The following B3GLCT variants were observed in gnomAD, a reference collection of about 807,000 sequenced individuals.
B3GLCT encodes the protein beta 3-glucosyltransferase, also known as beta-1,3-glucosyltransferase.
B3GLCT carries 65 observed loss-of-function variants against 63.4 expected under a neutral mutation model. The observed-to-expected ratio is 1.03, with a 90% CI of 0.84 to 1.26. The LOEUF (loss-of-function observed/expected upper bound fraction) is 1.26, where lower values mean the gene tolerates loss of function less well. B3GLCT is among the 50% of genes most tolerant of loss of function. The probability of loss-of-function intolerance (pLI) is 0.00; values close to 1 mark genes in which losing one functional copy is unlikely to be tolerated. For synonymous variants in B3GLCT, 233 were observed against 219.2 expected, an observed-to-expected ratio of 1.06 and a Z score of -0.55; for missense variants, 577 against 604.8, an observed-to-expected ratio of 0.95 and a Z score of 0.48.
intron 2 of B3GLCT, among the ~76,000 whole-genome samples, chr13:31,216,230 G>A (rs953412108): frequency 3.3e-5 from 5 of 152,018 alleles, no homozygotes; most frequent in African/African-American, 7.2e-5. Context: ...AATTTCTTAC[G>A]ATTTTAGGAC....
intron 14 of B3GLCT, among the ~76,000 whole-genome samples, chr13:31,327,528 G>C (rs1205892545): frequency 6.6e-6 from 1 of 152,200 alleles, no homozygotes; most frequent in African/African-American, 2.4e-5. Flanking sequence ...GACTAAAATT[G>C]ACTGTGGGAC....
At chr13:31,320,725 C>T (rs1276435976) in intron 13 of B3GLCT, among the ~76,000 whole-genome samples, 1 of 152,192 alleles carries the variant, frequency 6.6e-6, no homozygotes, top group Non-Finnish European at 1.5e-5. Flanking sequence ...TTTCTAGCCT[C>T]ATCCATCTAC....
In B3GLCT at chr13:31,214,988, T is replaced by G. The variant is rs559450647; in HGVS notation, c.71-63T>G. 9 of 1,433,928 alleles carry G rather than the reference T, an allele frequency of 6.3e-6. No individual in the cohort carries two copies. In the African/African-American group the frequency reaches 1.1e-4, roughly 18 times the overall value. The allele number at this position is 1,433,928 out of a possible 1,614,324, so 88.8% of individuals were successfully genotyped here. A position where few individuals can be genotyped will look rare whatever the true frequency, so the allele number is the denominator to read the frequency against. ...TTTTATTATAAGCAAAACTGTTGGA[T>G]GTGAGAATTAACCTGAATTGCTAAT... On this transcript the variant is annotated intron_variant, in intron 1 of 14. Transcript: ENST00000343307.
chr13:31,235,213 G>A (rs958821322), intron 4 of B3GLCT, among the ~76,000 whole-genome samples: 3 of 152,162 alleles, frequency 2.0e-5, no homozygotes, highest in Admixed American at 2.0e-4. Context: ...TTGAGGACAG[G>A]TTCTCAGGTT....
chr13:31,221,206 G>A (rs1420561992), intron 2 of B3GLCT, among the ~76,000 whole-genome samples: 1 of 152,188 alleles, frequency 6.6e-6, no homozygotes, highest in Admixed American at 6.5e-5. Flanking sequence ...GCTGTTTTTA[G>A]ATCTAACAAT....
intron 11 of B3GLCT, 79 bp downstream of exon 11, chr13:31,284,840 G>A: frequency 1.1e-6 from 1 of 908,994 alleles, no homozygotes; most frequent in Non-Finnish European, 1.8e-6. Context: ...GGATAAAAAT[G>A]AAATGTTTTA....
rs1232402172 is a variant in B3GLCT at position 31,247,854 on chromosome 13, G to C, written c.348-1G>C. 6.6e-7 allele frequency: 1 copy of C among 1,513,306 alleles called. No homozygotes were observed. Among genetic ancestry groups the C allele is most frequent in the Non-Finnish European group, 9.2e-7 (1 of 1,089,496 alleles). 93.7% of individuals were successfully genotyped at this position (1,513,306 alleles called of 1,614,324 possible). Reference sequence around the variant, plus strand: ...TACTGAAACTTGTTTCTTTTGGTCAGTTTTTCTGTAACATATAGCAGAAAT... The same window carrying C: ...TACTGAAACTTGTTTCTTTTGGTCACTTTTTCTGTAACATATAGCAGAAAT... On this transcript the variant is annotated splice_acceptor_variant, in intron 5 of 14. Coordinates refer to ENST00000343307, the MANE Select transcript of B3GLCT (RefSeq NM_194318.4). LOFTEE classifies it high-confidence loss of function.
intron 7 of B3GLCT, among the ~76,000 whole-genome samples, chr13:31,266,583 A>C (rs577702558): frequency 6.6e-6 from 1 of 152,206 alleles, no homozygotes; most frequent in South Asian, 2.1e-4. Flanking sequence ...TAGAACTTGA[A>C]CTTGTTTGCA....
chr13:31,220,361 A>G (rs1262762029), intron 2 of B3GLCT, among the ~76,000 whole-genome samples: 2 of 152,248 alleles, frequency 1.3e-5, no homozygotes, highest in Non-Finnish European at 2.9e-5. Context: ...TGGCTAGCAT[A>G]GGAGCTTTCT....
intron 4 of B3GLCT, among the ~76,000 whole-genome samples, chr13:31,244,382 C>T (rs923937170): frequency 6.6e-6 from 1 of 152,084 alleles, no homozygotes; most frequent in Non-Finnish European, 1.5e-5. Flanking sequence ...ATCCCAGCTA[C>T]TCGGGAGGCT....
chr13:31,302,420 T>C (rs1350532141), intron 12 of B3GLCT, among the ~76,000 whole-genome samples: 1 of 147,738 alleles, frequency 6.8e-6, no homozygotes, highest in Non-Finnish European at 1.5e-5. Context: ...AGGTACCGGG[T>C]TCATCTCACT....
chr13:31,211,025 G>A (rs1429352294), intron 1 of B3GLCT, among the ~76,000 whole-genome samples: 1 of 152,062 alleles, frequency 6.6e-6, no homozygotes, highest in Non-Finnish European at 1.5e-5. Flanking sequence ...TTACAGGCAC[G>A]TGCCACCACG....
intron 3 of B3GLCT, 39 bp downstream of exon 3, chr13:31,223,030 GGTATATTTT>G: frequency 7.9e-7 from 1 of 1,261,712 alleles, no homozygotes; most frequent in Non-Finnish European, 1.2e-6. Context: ...TGTGTACTTA[GGTATATTTT>G]GTATGAATTA....
Position 31,199,999 on chromosome 13 carries a change from G to GTGC in B3GLCT, c.-86_-85insTGC. 1.2e-6 allele frequency: 1 copy of GTGC among 801,876 alleles called. No homozygotes were observed. Among genetic ancestry groups the GTGC allele is most frequent in the Admixed American group, 4.9e-5 (1 of 20,608 alleles). The allele number at this position is 801,876 out of a possible 1,614,324, so 49.7% of individuals were successfully genotyped here. ...CAGAGAAGGGTCAGCCGCGGCGGCA[G>GTGC]GGCGGCGGCGGCAGCGGCGCAGCTC... On this transcript the variant is annotated 5_prime_UTR_variant, in exon 1 of 15. Coordinates refer to ENST00000343307, the MANE Select transcript of B3GLCT (RefSeq NM_194318.4).
At chr13:31,211,786 C>T (rs925218650) in intron 1 of B3GLCT, among the ~76,000 whole-genome samples, 31 of 152,196 alleles carry the variant, frequency 2.0e-4, no homozygotes, top group African/African-American at 7.5e-4. Flanking sequence ...TAAACAGTTA[C>T]ATCATCAAAT....
chr13:31,233,529 T>G (rs1198170080), intron 4 of B3GLCT, among the ~76,000 whole-genome samples: 1 of 152,168 alleles, frequency 6.6e-6, no homozygotes, highest in African/African-American at 2.4e-5. Context: ...GTCCTGTTAC[T>G]TGGATGAAGT....
rs35142866 is a variant in B3GLCT, at chr13:31,218,187, CTT to C, written c.120+3105_120+3106del. 4.9e-4 allele frequency among the ~76,000 whole-genome samples: 59 copies of C among 119,836 alleles called. No individual in the cohort carries two copies. In the East Asian group the frequency reaches 0.013, roughly 26 times the overall value. 78.6% of individuals were successfully genotyped at this position (119,836 alleles called of 152,430 possible). The stretch of plus-strand genomic sequence containing the variant: ...AGGTGTTTTATTCTTTTTGTGGCTA[CTT>C]TTTTTTTTTTTTTTTTTGAGATGGA... On this transcript the variant is annotated intron_variant, in intron 2 of 14. Transcript: ENST00000343307.
Position 31,319,628 on chromosome 13 carries a change from A to G in B3GLCT, c.1184+1943A>G, listed in dbSNP as rs117207826. ...GTCTATCCCTTCAATGTCTTGTGTT[A>G]CTCAGGCATCTTTTCTAGTCCTCCT... On this transcript the variant is annotated intron_variant, in intron 13 of 14. Transcript: ENST00000343307. Among the ~76,000 whole-genome samples, 39 of 152,054 alleles carry G rather than the reference A, an allele frequency of 2.6e-4. No homozygotes were observed. The East Asian group carries it at 7.0e-3, about 27-fold the overall frequency.
chr13:31,300,157 T>C (rs1874151612), intron 12 of B3GLCT, among the ~76,000 whole-genome samples: 1 of 152,150 alleles, frequency 6.6e-6, no homozygotes, highest in South Asian at 2.1e-4. Flanking sequence ...TACAGGGTAG[T>C]GTAGAATCCA....
Sources: allele counts gnomAD v4.1 joint callset (sites outside exome capture counted in the v4.1 genomes callset), GRCh38; gene constraint gnomAD v4.1.1; transcripts MANE v1.5; gene names NCBI Gene and HGNC (gene_info 2026-07-23, HGNC 2026-07-21).